Variants in PRRC2C observed in about 807,000 individuals in gnomAD.
PRRC2C encodes the protein proline rich coiled-coil 2C.
PRRC2C carries 72 observed loss-of-function variants against 317.2 expected under a neutral mutation model. The ratio of observed to expected loss-of-function variants is 0.23; its 90% confidence interval spans 0.19 to 0.28. PRRC2C has a LOEUF of 0.28. Ranked by LOEUF, PRRC2C falls within the 10% of genes least tolerant of loss-of-function variation. PRRC2C has a pLI of 1.00. For missense variants in PRRC2C, 3,074 were observed against 3,459.7 expected, an observed-to-expected ratio of 0.89 and a Z score of 2.80; for synonymous variants, 1,296 against 1,205.9, an observed-to-expected ratio of 1.07 and a Z score of -1.55.
intron 12 of PRRC2C, among the ~76,000 whole-genome samples, chr1:171,533,223 T>G (rs906531512): frequency 1.1e-4 from 17 of 152,344 alleles, no homozygotes; most frequent in Admixed American, 6.5e-4. Context: ...TAGTCACATA[T>G]ACTGATTCTC....
chr1:171,575,142 G>T lies in PRRC2C; in HGVS notation c.6955+14G>T. ...CATCACTATCAGGTAGAACTTTTTC[G>T]TTCTGTTTCTTTAAATATCTTACAT... On this transcript the variant is annotated intron_variant, in intron 25 of 34. Coordinates refer to ENST00000647382, the MANE Select transcript of PRRC2C (RefSeq NM_001387844.1). 1.2e-6 allele frequency: 2 copies of T among 1,602,066 alleles called. No homozygotes were observed. The highest frequency in any genetic ancestry group is 1.7e-5 in the Admixed American group (1 of 59,278).
Position 171,512,119 on chromosome 1 carries a change from G to C in PRRC2C, c.31G>C (p.Ala11Pro), listed in dbSNP as rs751276864. 1.9e-6 allele frequency: 3 copies of C among 1,577,120 alleles called. No individual in the cohort carries two copies. The highest frequency in any genetic ancestry group is 2.6e-6 in the Non-Finnish European group (3 of 1,160,920). Residue 11 changes from alanine (A) to proline (P), a missense_variant, in exon 2 of 35, where the codon GCA becomes CCA. Ala to Pro is a conservative substitution (Grantham distance 27). Transcript: ENST00000647382. ...GGAGAAGTCAGGCCAGAGCACAAAA[G>C]CAAAGGATGGGAAAAAGTATGCAAC... MSEKSGQSTK[A>P]KDGKKYATLS...
At chr1:171,573,673 CT>C (rs1024285954) in intron 24 of PRRC2C, among the ~76,000 whole-genome samples, 4,846 of 85,652 alleles carry the variant, frequency 0.057, 99 homozygotes, top group African/African-American at 0.21. Context: ...TCTCAAAATT[CT>C]TTTTTTTTTT....
At chr1:171,516,168 G>C (rs913312073) in intron 5 of PRRC2C, among the ~76,000 whole-genome samples, 6 of 151,802 alleles carry the variant, frequency 4.0e-5, no homozygotes, top group African/African-American at 1.2e-4. Flanking sequence ...TTTTGAGCAG[G>C]CTTCCCTAAT....
intron 1 of PRRC2C, chr1:171,510,382 AG>A (rs1343908524): frequency 5.9e-5 from 9 of 152,324 alleles, no homozygotes; most frequent in Non-Finnish European, 1.3e-4. Context: ...AACTTAAGCA[AG>A]TTGACTGTTT....
chr1:171,515,604 C>T, intron 4 of PRRC2C, 130 bp from the exon 5 acceptor site: 1 of 761,274 alleles, frequency 1.3e-6, no homozygotes, highest in Non-Finnish European at 2.0e-6. Flanking sequence ...AGTGATATGG[C>T]TATGAACAGT....
At chr1:171,576,970 T>C (rs1303817490) in intron 25 of PRRC2C, among the ~76,000 whole-genome samples, 1 of 152,266 alleles carries the variant, frequency 6.6e-6, no homozygotes, top group African/African-American at 2.4e-5. Flanking sequence ...CTTAAGTTTA[T>C]GTGACATTTT....
intron 1 of PRRC2C, chr1:171,511,370 T>G (rs1312195076): frequency 6.6e-6 from 1 of 152,196 alleles, no homozygotes; most frequent in African/African-American, 2.4e-5. Context: ...CTCTTTGTAT[T>G]TGAATGCTTA....
chr1:171,573,870 G>T (rs935216114), intron 24 of PRRC2C, among the ~76,000 whole-genome samples: 4 of 151,526 alleles, frequency 2.6e-5, no homozygotes, highest in African/African-American at 9.7e-5. Flanking sequence ...GTAGAGACAG[G>T]GTTTCACTAT....
intron 1 of PRRC2C, among the ~76,000 whole-genome samples, chr1:171,500,930 C>G (rs1401158976): frequency 6.6e-6 from 1 of 152,152 alleles, no homozygotes; most frequent in Non-Finnish European, 1.5e-5. Context: ...CAGGGTCTTA[C>G]TCTCTTGGCC....
intron 17 of PRRC2C, 76 bp downstream of exon 17, chr1:171,545,763 T>C (rs1679004126): frequency 1.0e-6 from 1 of 994,926 alleles, no homozygotes; most frequent in Non-Finnish European, 1.3e-6. Flanking sequence ...CATTTTAAAA[T>C]GTAGATGCCA....
chr1:171,526,394 G>T (rs1468139049), intron 10 of PRRC2C, among the ~76,000 whole-genome samples: 2 of 152,162 alleles, frequency 1.3e-5, no homozygotes, highest in Non-Finnish European at 2.9e-5. Context: ...CTGGAATGGA[G>T]TTGCGCGATC....
intron 20 of PRRC2C, among the ~76,000 whole-genome samples, chr1:171,564,139 G>A (rs1329611536): frequency 6.6e-6 from 1 of 152,126 alleles, no homozygotes; most frequent in Non-Finnish European, 1.5e-5. Flanking sequence ...CATTTCATAG[G>A]ATGGAAAGAA....
chr1:171,547,830 C>T (rs539148680), intron 17 of PRRC2C, among the ~76,000 whole-genome samples: 2 of 151,130 alleles, frequency 1.3e-5, no homozygotes, highest in Non-Finnish European at 3.0e-5. Flanking sequence ...TTTTTAGTAG[C>T]GACTTTAGTA....
intron 10 of PRRC2C, among the ~76,000 whole-genome samples, chr1:171,525,894 G>C (rs78014821): frequency 6.6e-6 from 1 of 152,160 alleles, no homozygotes; most frequent in Non-Finnish European, 1.5e-5. Flanking sequence ...AGAGGTAAGA[G>C]AGCTATGTAA....
chr1:171,581,084 T>C (rs1648472086), intron 28 of PRRC2C, among the ~76,000 whole-genome samples: 2 of 152,222 alleles, frequency 1.3e-5, no homozygotes, highest in Admixed American at 6.5e-5. Context: ...AAAGATGCTT[T>C]AGTAAAATTT....
chr1:171,492,365 A>G (rs899990413), intron 1 of PRRC2C, among the ~76,000 whole-genome samples: 1 of 152,236 alleles, frequency 6.6e-6, no homozygotes, highest in Non-Finnish European at 1.5e-5. Flanking sequence ...ATTTATGACA[A>G]ACTTGAACAT....
intron 1 of PRRC2C, among the ~76,000 whole-genome samples, chr1:171,508,661 A>G (rs1240930282): frequency 7.9e-5 from 12 of 152,202 alleles, no homozygotes; most frequent in Non-Finnish European, 1.2e-4. Context: ...GTGTTCCTTC[A>G]TAAGAATATG....
chr1:171,585,577 C>T (rs1649697983), intron 30 of PRRC2C, among the ~76,000 whole-genome samples: 1 of 152,080 alleles, frequency 6.6e-6, no homozygotes. Flanking sequence ...GATTCTTGTT[C>T]TTCTCATAGC....
Sources: gnomAD v4.1 joint callset for allele counts (sites outside exome capture counted in the v4.1 genomes callset) on GRCh38, gnomAD v4.1.1 for gene constraint, MANE v1.5 for transcripts, NCBI Gene and HGNC (gene_info 2026-07-23, HGNC 2026-07-21) for gene names.